The following MTHFSD variants were observed in gnomAD, a reference collection of about 807,000 sequenced individuals.
The protein encoded by MTHFSD is methenyltetrahydrofolate synthase domain-containing protein.
Under a neutral mutation model 31.1 loss-of-function variants are expected in MTHFSD, and 37 were observed. That is an observed-to-expected ratio of 1.19 (90% confidence interval 0.91 to 1.56). MTHFSD has a LOEUF of 1.56. Ranked by LOEUF, MTHFSD falls within the 40% of genes most tolerant of loss-of-function variation. The pLI is 0.00. For synonymous variants in MTHFSD, 221 were observed against 206.9 expected (o/e 1.07, Z -0.59); for missense variants, 664 against 510.1 (o/e 1.30, Z -2.91).
intron 2 of MTHFSD, among the ~76,000 whole-genome samples, chr16:86,553,908 G>A (rs59041841): frequency 0.074 from 11,243 of 152,268 alleles, 536 homozygotes; most frequent in East Asian, 0.16. Context: ...CAGAGTTTGT[G>A]AATGCACCAA....
At chr16:86,537,253 C>T (rs1014011003) in intron 7 of MTHFSD, among the ~76,000 whole-genome samples, 1 of 152,178 alleles carries the variant, frequency 6.6e-6, no homozygotes, top group Non-Finnish European at 1.5e-5. Flanking sequence ...TGTATTTCCT[C>T]GCCGTCTTTT....
chr16:86,551,830 C>T (rs1973190708), intron 3 of MTHFSD: 1 of 925,152 alleles, frequency 1.1e-6, no homozygotes, highest in Non-Finnish European at 1.5e-6. Context: ...ATTCGGGACT[C>T]CTGATTGACT....
At chr16:86,552,213 G>A (rs1244929549) in intron 2 of MTHFSD, 67 bp from the exon 3 acceptor site, 3 of 1,613,568 alleles carry the variant, frequency 1.9e-6, no homozygotes, top group African/African-American at 2.7e-5. Flanking sequence ...TTTCTGGGGG[G>A]CATCAGGATT....
intron 5 of MTHFSD, among the ~76,000 whole-genome samples, chr16:86,545,499 T>C (rs1972160033): frequency 6.6e-6 from 1 of 151,986 alleles, no homozygotes; most frequent in African/African-American, 2.4e-5. Context: ...CCAAGTCCCA[T>C]CATCTGGCCT....
At chr16:86,537,202 G>C (rs141980332) in intron 7 of MTHFSD, among the ~76,000 whole-genome samples, 1 of 152,188 alleles carries the variant, frequency 6.6e-6, no homozygotes, top group Non-Finnish European at 1.5e-5. Flanking sequence ...AGAAACGTTT[G>C]AAATCCTATC....
At chr16:86,549,033 C>G (rs1035639296) in intron 3 of MTHFSD, among the ~76,000 whole-genome samples, 3 of 152,244 alleles carry the variant, frequency 2.0e-5, no homozygotes, top group African/African-American at 7.2e-5. Context: ...TCTAGTTTGA[C>G]TGTTCAGCAA....
intron 2 of MTHFSD, 194 bp from the exon 3 acceptor site, chr16:86,552,340 G>A (rs747677518): frequency 6.1e-6 from 9 of 1,479,662 alleles, no homozygotes; most frequent in Middle Eastern, 3.5e-4. Context: ...CACGCTCTCA[G>A]GCCAACTGCA....
intron 5 of MTHFSD, 56 bp downstream of exon 5, chr16:86,546,503 G>A (rs970597387): frequency 3.2e-5 from 48 of 1,485,718 alleles, no homozygotes; most frequent in Non-Finnish European, 3.9e-5. Context: ...AGCCTGGCAC[G>A]CAGCCGCCTT....
At position 86,548,496 on chromosome 16, in the gene MTHFSD, T is replaced by A; in HGVS notation, c.319A>T (p.Lys107Ter). ...NKITPPPGATKDILRKCATSQ... is the reference protein window; with the variant it reads ...NKITPPPGAT The stretch of plus-strand genomic sequence containing the variant: ...GTGGCACATTTTCTCAAGATGTCTT[T>A]AGTTGCCCCAGGGGGTGGTGTGATC... The change falls in exon 4 of 8, where the codon AAA becomes TAA. Residue 107 changes from lysine (K) to a stop codon, truncating the protein, a stop_gained. Coordinates refer to ENST00000360900, the MANE Select transcript of MTHFSD (RefSeq NM_001159377.2). LOFTEE classifies it high-confidence loss of function. The A allele has an allele frequency of 6.2e-7, 1 of 1,614,000 alleles. No homozygotes were observed. Among genetic ancestry groups the A allele is most frequent in the Non-Finnish European group, 8.5e-7 (1 of 1,179,964 alleles).
In MTHFSD at chr16:86,542,111, T is replaced by C. The variant is rs1239781537; in HGVS notation, c.545A>G (p.His182Arg). 8.7e-6 allele frequency: 14 copies of C among 1,613,262 alleles called. No individual in the cohort carries two copies. Among genetic ancestry groups the C allele is most frequent in the African/African-American group, 1.3e-5 (1 of 74,850 alleles). Residue 182 changes from histidine (H) to arginine (R), a missense_variant, in exon 6 of 8, where the codon CAC (histidine) becomes CGC (arginine). Transcript: ENST00000360900. This position sits in a 1 kb window ranked among gnomAD's most constrained non-coding sequence, Gnocchi z 4.6. ...ATTCATAAGGAGCACCTGGCAGTCG[T>C]GGACGATGGTGACCACCGGCGTCTC... ...SKETPVVTIV[H>R]DCQVVDIPEE...
chr16:86,532,789 A>C, intron 7 of MTHFSD: 1 of 232,882 alleles, frequency 4.3e-6, no homozygotes, highest in Non-Finnish European at 8.3e-6. Flanking sequence ...GCCCAGAAGC[A>C]GGAAAGTAAA....
chr16:86,545,966 G>A (rs540605612), intron 5 of MTHFSD, among the ~76,000 whole-genome samples: 1 of 152,364 alleles, frequency 6.6e-6, no homozygotes, highest in Non-Finnish European at 1.5e-5. Flanking sequence ...TGAAGCTGGA[G>A]ACAGCAAGAG....
chr16:86,538,452 A>T (rs1207615220), intron 7 of MTHFSD, among the ~76,000 whole-genome samples: 3 of 151,888 alleles, frequency 2.0e-5, no homozygotes, highest in Non-Finnish European at 4.4e-5. Flanking sequence ...GTTGTCAGTG[A>T]CTCATAGGAC....
At chr16:86,554,581 A>G (rs937717709) in intron 2 of MTHFSD, 64 bp downstream of exon 2, 2 of 1,190,806 alleles carry the variant, frequency 1.7e-6, no homozygotes, top group East Asian at 2.3e-5. Context: ...GAATTTTATT[A>G]CTAGTGTTAT....
In MTHFSD at chr16:86,541,790, C is replaced by T; in HGVS notation, c.588G>A (p.Glu196=). Residue 196 remains glutamate (E), a synonymous_variant, in exon 7 of 8, where the codon GAG becomes GAA. Transcript: ENST00000360900. The part of the protein sequence containing the change: ...VVDIPEELVE[E]HDITVDYILT... ...GGATGTAGTCCACAGTGATGTCGTG[C>T]TCCTCAACAAGCTCTTCAGGGATGT... 1 of 1,614,202 alleles carries T rather than the reference C, an allele frequency of 6.2e-7. No individual in the cohort carries two copies. The highest frequency in any genetic ancestry group is 8.5e-7 in the Non-Finnish European group (1 of 1,180,036).
chr16:86,533,820 G>A (rs1241334038), intron 7 of MTHFSD: 1 of 152,206 alleles, frequency 6.6e-6, no homozygotes, highest in Non-Finnish European at 1.5e-5. Context: ...AACAGTTAAA[G>A]ATACACAAAA....
chr16:86,546,725 C>T (rs1456379087), intron 4 of MTHFSD, 76 bp from the exon 5 acceptor site: 2 of 1,285,692 alleles, frequency 1.6e-6, no homozygotes, highest in Non-Finnish European at 2.3e-6. Context: ...TCAAAGTGCA[C>T]TCAGGGTTTG....
At chr16:86,554,776 T>G (rs751047895) in intron 1 of MTHFSD, 25 bp from the exon 2 acceptor site, 1 of 1,581,148 alleles carries the variant, frequency 6.3e-7, no homozygotes, top group Admixed American at 1.7e-5. Flanking sequence ...TCCCACTTAA[T>G]AACATACAAA....
At chr16:86,551,789 T>C (rs1973183413) in intron 3 of MTHFSD, among the ~76,000 whole-genome samples, 1 of 152,196 alleles carries the variant, frequency 6.6e-6, no homozygotes, top group African/African-American at 2.4e-5. Context: ...AGCCATTGTT[T>C]TGAACATCCT....
Sources: gnomAD v4.1 joint callset for allele counts (sites outside exome capture counted in the v4.1 genomes callset) on GRCh38, gnomAD v4.1.1 for gene constraint, Gnocchi (gnomAD v3.1) non-coding constraint, MANE v1.5 for transcripts, NCBI Gene and HGNC (gene_info 2026-07-23, HGNC 2026-07-21) for gene names.